Variants in PDXDC1 observed in about 807,000 individuals in gnomAD.
The protein encoded by PDXDC1 is pyridoxal-dependent decarboxylase domain-containing protein 1.
A neutral mutation model predicts 100.1 loss-of-function variants in PDXDC1; 42 were observed. The ratio of observed to expected loss-of-function variants is 0.42; its 90% CI spans 0.33 to 0.54. The LOEUF (loss-of-function observed/expected upper bound fraction) is 0.54, where lower values mean the gene tolerates loss of function less well. Ranked by LOEUF, PDXDC1 falls within the 20% of genes least tolerant of loss-of-function variation. PDXDC1 has a pLI of 0.10. For synonymous variants in PDXDC1, 260 were observed against 371.7 expected (o/e 0.70, Z 3.46); for missense variants, 636 against 979.2 (o/e 0.65, Z 4.68).
rs571638069 is a variant in PDXDC1, at chr16:15,012,469, G to A, written c.727+2710G>A. 3.9e-5 allele frequency among the ~76,000 whole-genome samples: 6 copies of A among 152,404 alleles called. No homozygotes were observed. In the East Asian group the frequency reaches 1.2e-3, roughly 29 times the overall value. On this transcript the variant is annotated intron_variant, in intron 8 of 22. Transcript: ENST00000396410. ...ATACTTCATCAAAGAAAATGAAAATGTATAGCACTTGAAAAGATGTTTAAC... is the reference window on the plus strand; with the variant it reads ...ATACTTCATCAAAGAAAATGAAAATATATAGCACTTGAAAAGATGTTTAAC...
intron 16 of PDXDC1, among the ~76,000 whole-genome samples, chr16:15,063,020 T>A (rs900819081): frequency 9.2e-5 from 14 of 152,174 alleles, no homozygotes; most frequent in African/African-American, 1.7e-4. Context: ...ATTAAAAAAA[T>A]TTTTGTAGAA....
chr16:14,987,298 T>G (rs938098312), intron 1 of PDXDC1, among the ~76,000 whole-genome samples: 2 of 152,304 alleles, frequency 1.3e-5, no homozygotes, highest in Admixed American at 1.3e-4. Flanking sequence ...AGTTGCTTCA[T>G]TTACTTACTT....
Position 15,133,497 on chromosome 16 carries a change from G to A in PDXDC1, c.1400-5382G>A, listed in dbSNP as rs573698208. 255 of 856,934 alleles carry A rather than the reference G, an allele frequency of 3.0e-4. No individual in the cohort carries two copies. In the African/African-American group the frequency reaches 3.9e-3, roughly 13 times the overall value. 53.1% of individuals were successfully genotyped at this position (856,934 alleles called of 1,614,324 possible). ...TCCCACGGCCTGGCTCACCTGTTGA[G>A]GGCGACCACAGCGGCTCCCAGCTGG... On this transcript the variant is annotated intron_variant, in intron 16 of 16. Transcript: ENST00000535621.
In PDXDC1 at chr16:15,109,589, G is replaced by A. The variant is rs1304268352; in HGVS notation, c.1400-29290G>A. Among the ~76,000 whole-genome samples, 51 of 126,808 alleles carry A rather than the reference G, an allele frequency of 4.0e-4. 3 individuals are homozygous for A. Among genetic ancestry groups the A allele is most frequent in the Middle Eastern group, 9.5e-3 (2 of 210 alleles). 83.2% of individuals were successfully genotyped at this position (126,808 alleles called of 152,430 possible). A position where few individuals can be genotyped will look rare whatever the true frequency, so the allele number is the denominator to read the frequency against. On this transcript the variant is annotated intron_variant, in intron 16 of 16. Coordinates refer to the PDXDC1 transcript ENST00000535621. The stretch of plus-strand genomic sequence containing the variant: ...TAAGAATCGTTTGAACCTGGGAGGC[G>A]GAGGTTGCAGTGAGCCAAGATCATG...
chr16:15,083,384 G>C (rs1329138620), intron 16 of PDXDC1: 1 of 1,418,054 alleles, frequency 7.1e-7, no homozygotes, highest in Non-Finnish European at 9.5e-7. Context: ...GGGCGACAGA[G>C]TGAGACTCGG....
rs1248474376 is a variant in PDXDC1 at position 15,117,371 on chromosome 16, T to A, written c.1400-21508T>A. On this transcript the variant is annotated intron_variant, in intron 16 of 16. Coordinates refer to the PDXDC1 transcript ENST00000535621. ...GTTAGTAAACTTACACTTAAGGTTA[T>A]ATATTTTGGCCAGGCGCGGTGGCTC... Among the ~76,000 whole-genome samples, 48 of 133,564 alleles carry A rather than the reference T, an allele frequency of 3.6e-4. No homozygotes were observed. The South Asian group carries it at 0.011, about 31-fold the overall frequency. 87.6% of individuals were successfully genotyped at this position (133,564 alleles called of 152,430 possible).
chr16:14,976,724 TAG>T (rs1474833927), intron 1 of PDXDC1: 2 of 152,406 alleles, frequency 1.3e-5, no homozygotes, highest in Non-Finnish European at 2.9e-5. Context: ...ACCTAGTGGG[TAG>T]AGGCCAGGGA....
chr16:15,015,468 G>A (rs1335520024), intron 8 of PDXDC1, among the ~76,000 whole-genome samples: 8 of 152,114 alleles, frequency 5.3e-5, no homozygotes, highest in Non-Finnish European at 8.8e-5. Context: ...TATAATCCCA[G>A]CACTTTGGAA....
chr16:15,135,020 T>G (rs2048282893), intron 16 of PDXDC1: 1 of 455,902 alleles, frequency 2.2e-6, no homozygotes. Flanking sequence ...GGGAAGGGGC[T>G]CTTCCTCACT....
intron 16 of PDXDC1, chr16:15,084,749 G>A (rs749387241): frequency 7.4e-7 from 1 of 1,357,860 alleles, no homozygotes; most frequent in South Asian, 1.2e-5. Context: ...AAACAAAACT[G>A]AAGGGCGACA....
intron 16 of PDXDC1, among the ~76,000 whole-genome samples, chr16:15,076,976 ATC>A (rs2045483272): frequency 1.8e-5 from 2 of 111,596 alleles, no homozygotes; most frequent in Non-Finnish European, 3.9e-5. Context: ...CCCCACCCAA[ATC>A]ACTTTTTTTT....
At chr16:15,014,670 T>C (rs1249821326) in intron 8 of PDXDC1, among the ~76,000 whole-genome samples, 1 of 152,296 alleles carries the variant, frequency 6.6e-6, no homozygotes, top group Non-Finnish European at 1.5e-5. Flanking sequence ...CTACTTTCTT[T>C]AGCTGTGTTT....
At chr16:15,005,143 G>C (rs901972446) in intron 5 of PDXDC1, among the ~76,000 whole-genome samples, 2 of 152,382 alleles carry the variant, frequency 1.3e-5, no homozygotes, top group Non-Finnish European at 2.9e-5. Context: ...CGGATCACAA[G>C]GTGAGGAGAT....
chr16:15,063,651 G>C (rs1016984492), intron 16 of PDXDC1, among the ~76,000 whole-genome samples: 2 of 142,012 alleles, frequency 1.4e-5, no homozygotes, highest in South Asian at 4.6e-4. Flanking sequence ...CTTGCAGCGA[G>C]CCGAGATCGC....
chr16:15,085,304 G>A (rs139253197), intron 16 of PDXDC1, among the ~76,000 whole-genome samples: 2 of 148,798 alleles, frequency 1.3e-5, no homozygotes, highest in East Asian at 4.0e-4. Flanking sequence ...ATTAGAATAG[G>A]TGCCAGGTAT....
At chr16:15,051,393 C>T (rs1351330144) in intron 16 of PDXDC1, among the ~76,000 whole-genome samples, 1 of 152,248 alleles carries the variant, frequency 6.6e-6, no homozygotes, top group African/African-American at 2.4e-5. Flanking sequence ...CTTACTGTCT[C>T]CCAGGCTGGA....
intron 22 of PDXDC1, among the ~76,000 whole-genome samples, chr16:15,035,766 T>C (rs1385697438): frequency 6.6e-6 from 1 of 152,114 alleles, no homozygotes; most frequent in African/African-American, 2.4e-5. Context: ...AAAGATGACA[T>C]TGTCACTGTG....
intron 16 of PDXDC1, among the ~76,000 whole-genome samples, chr16:15,089,532 T>G (rs899163244): frequency 6.6e-6 from 1 of 151,768 alleles, no homozygotes; most frequent in Non-Finnish European, 1.5e-5. Context: ...CGGGCGTGGT[T>G]ACTCACGCCT....
chr16:15,086,962 T>C (rs2151816270), intron 16 of PDXDC1, among the ~76,000 whole-genome samples: 1 of 152,360 alleles, frequency 6.6e-6, no homozygotes, highest in African/African-American at 2.4e-5. Flanking sequence ...GTGATTGTTC[T>C]GTATAAATGA....
Sources: gnomAD v4.1 joint callset for allele counts (sites outside exome capture counted in the v4.1 genomes callset) on GRCh38, gnomAD v4.1.1 for gene constraint, MANE v1.5 for transcripts, NCBI Gene and HGNC (gene_info 2026-07-23, HGNC 2026-07-21) for gene names.